The following HIP1 variants were observed in gnomAD, a reference collection of about 807,000 sequenced individuals.
HIP1 encodes huntingtin-interacting protein 1.
In HIP1, 65 loss-of-function variants were observed where a neutral mutation model predicts 147.6. The observed-to-expected ratio is 0.44, with a 90% CI of 0.36 to 0.54. The LOEUF (loss-of-function observed/expected upper bound fraction) is 0.54, where lower values mean the gene tolerates loss of function less well. Among genes scored for constraint, HIP1 ranks in the 20% least tolerant of loss-of-function variants. The pLI is 0.00. For synonymous variants in HIP1, 479 were observed against 504.0 expected (o/e 0.95, Z 0.67); for missense variants, 1,061 against 1,299.6 (o/e 0.82, Z 2.82).
intron 14 of HIP1, 28 bp downstream of exon 14, chr7:75,559,704 C>CGGG: frequency 5.2e-6 from 2 of 381,984 alleles, no homozygotes; most frequent in Non-Finnish European, 1.0e-5. Flanking sequence ...GCCCCCGGGG[C>CGGG]CCGCCCCCGC....
intron 1 of HIP1, among the ~76,000 whole-genome samples, chr7:75,612,499 C>T (rs1227902720): frequency 6.8e-6 from 1 of 146,678 alleles, no homozygotes; most frequent in African/African-American, 2.5e-5. Flanking sequence ...ACGAGAGAAA[C>T]TCTGTCTCAC....
intron 24 of HIP1, 102 bp downstream of exon 24, chr7:75,547,653 C>T (rs1362334566): frequency 2.2e-6 from 2 of 927,750 alleles, no homozygotes; most frequent in African/African-American, 1.6e-5. Flanking sequence ...CCCGTGGCTG[C>T]TACTGCTCTC....
At chr7:75,722,160 AT>A (rs1801522718) in intron 1 of HIP1, among the ~76,000 whole-genome samples, 1 of 152,006 alleles carries the variant, frequency 6.6e-6, no homozygotes, top group Admixed American at 6.6e-5. Context: ...AACGTTCAAA[AT>A]TAGCCAGGCA....
intron 25 of HIP1, among the ~76,000 whole-genome samples, chr7:75,545,839 G>A (rs1794540973): frequency 6.6e-6 from 1 of 151,948 alleles, no homozygotes. Context: ...TACTCGGGAG[G>A]CTGAGGCAGG....
chr7:75,645,996 G>A (rs1449683973), intron 1 of HIP1, among the ~76,000 whole-genome samples: 2 of 152,122 alleles, frequency 1.3e-5, no homozygotes, highest in Non-Finnish European at 2.9e-5. Context: ...CTCACTATCC[G>A]GATGATGGAT....
chr7:75,700,840 G>C (rs937622438), intron 1 of HIP1, among the ~76,000 whole-genome samples: 2 of 151,886 alleles, frequency 1.3e-5, no homozygotes, highest in Admixed American at 1.3e-4. Context: ...TGAGTAGCTG[G>C]GACTACAGGC....
chr7:75,682,419 G>C (rs1800118508), intron 1 of HIP1, among the ~76,000 whole-genome samples: 1 of 151,128 alleles, frequency 6.6e-6, no homozygotes. Context: ...TGCTACTATA[G>C]CCAGCTAGTT....
At chr7:75,561,164 G>T (rs1267207080) in intron 13 of HIP1, among the ~76,000 whole-genome samples, 165 bp downstream of exon 13, 2 of 152,062 alleles carry the variant, frequency 1.3e-5, no homozygotes, top group African/African-American at 4.8e-5. Context: ...CTGTTGCCCA[G>T]GCTGGTCTCG....
chr7:75,630,788 C>A lies in HIP1; in HGVS notation c.121-31541G>T, dbSNP rs182566560. Among the ~76,000 whole-genome samples, 38 of 152,262 alleles carry A rather than the reference C, an allele frequency of 2.5e-4. No homozygotes were observed. In the East Asian group the frequency reaches 7.0e-3, roughly 28 times the overall value. ...CAACTACTAACAGGTCTGATTGCCCCGGCAGACTGAGCTCACCCAGCAGTG... is the reference window on the plus strand; with the variant it reads ...CAACTACTAACAGGTCTGATTGCCCAGGCAGACTGAGCTCACCCAGCAGTG... On this transcript the variant is annotated intron_variant, in intron 1 of 30. Transcript: ENST00000336926.
chr7:75,678,413 A>G (rs1417229640), intron 1 of HIP1, among the ~76,000 whole-genome samples: 2 of 137,916 alleles, frequency 1.5e-5, no homozygotes, highest in African/African-American at 5.6e-5. Flanking sequence ...GCACAATCTC[A>G]GCTCACTGCA....
chr7:75,603,565 G>A (rs1409633408), intron 1 of HIP1, among the ~76,000 whole-genome samples: 1 of 152,100 alleles, frequency 6.6e-6, no homozygotes, highest in Non-Finnish European at 1.5e-5. Flanking sequence ...GCTCTCCTGA[G>A]CACAGTCGTT....
At chr7:75,639,385 A>C (rs1798564296) in intron 1 of HIP1, among the ~76,000 whole-genome samples, 4 of 149,940 alleles carry the variant, frequency 2.7e-5, no homozygotes, top group East Asian at 2.0e-4. Context: ...AAATCCCGGA[A>C]TCAGCTGGCG....
chr7:75,625,636 C>T (rs1554507875), intron 1 of HIP1: 1 of 152,128 alleles, frequency 6.6e-6, no homozygotes, highest in Non-Finnish European at 1.5e-5. Flanking sequence ...AGTAGAAAAG[C>T]AGAGATGGGG....
intron 19 of HIP1, among the ~76,000 whole-genome samples, chr7:75,555,195 CGGGGG>C (rs371043786): frequency 1.7e-4 from 4 of 23,602 alleles, no homozygotes; most frequent in African/African-American, 3.3e-4. Flanking sequence ...AGCGGGGGGG[CGGGGG>C]GGGGGAAGAA....
At chr7:75,705,644 C>T (rs1449852924) in intron 1 of HIP1, among the ~76,000 whole-genome samples, 1 of 152,120 alleles carries the variant, frequency 6.6e-6, no homozygotes, top group African/African-American at 2.4e-5. Flanking sequence ...CGTGAGCCAC[C>T]ACGCCTGGCC....
intron 1 of HIP1, among the ~76,000 whole-genome samples, chr7:75,623,818 G>C (rs1300750358): frequency 2.0e-5 from 3 of 152,210 alleles, no homozygotes; most frequent in Non-Finnish European, 4.4e-5. Context: ...TGTAATCCCA[G>C]CACTTTGGGA....
chr7:75,664,950 G>T (rs1799509484), intron 1 of HIP1, among the ~76,000 whole-genome samples: 1 of 152,144 alleles, frequency 6.6e-6, no homozygotes, highest in Non-Finnish European at 1.5e-5. Flanking sequence ...CAGAGGGAAA[G>T]AAGAGACTAA....
chr7:75,665,263 A>G (rs184062319), intron 1 of HIP1, among the ~76,000 whole-genome samples: 1 of 152,228 alleles, frequency 6.6e-6, no homozygotes, highest in African/African-American at 2.4e-5. Flanking sequence ...CCCTATCTCT[A>G]TAAAAAAATA....
In HIP1 at chr7:75,555,541, C is replaced by T. The variant is rs1554493090; in HGVS notation, c.1838G>A (p.Cys613Tyr). ...LKLASTEESM[C>Y]QLAKDQRKML... is the part of the protein sequence containing the mutation. ...TTTTCGTTGGTCTTTGGCAAGCTGGCACATAGATTCCTAAAAATGGTCCAG... is the reference window on the plus strand; with the variant it reads ...TTTTCGTTGGTCTTTGGCAAGCTGGTACATAGATTCCTAAAAATGGTCCAG... The change falls in exon 19 of 31, where the codon TGC becomes TAC. Residue 613 changes from cysteine to tyrosine, a missense_variant. Around this residue, in one of 3 missense-constraint regions of HIP1, gnomAD observed 810 missense variants for 946.8 expected, o/e 0.86. Coordinates refer to ENST00000336926, the MANE Select transcript of HIP1 (RefSeq NM_005338.7). 1.2e-6 allele frequency: 2 copies of T among 1,614,146 alleles called. No homozygotes were observed. The highest frequency in any genetic ancestry group is 3.3e-5 in the Admixed American group (2 of 60,018).
Sources: gnomAD v4.1 joint callset for allele counts (sites outside exome capture counted in the v4.1 genomes callset) on GRCh38, gnomAD v4.1.1 for gene constraint, gnomAD v4.1.1 regional missense constraint, MANE v1.5 for transcripts, NCBI Gene and HGNC (gene_info 2026-07-23, HGNC 2026-07-21) for gene names.